Variants in SH2D4A observed in about 807,000 individuals in gnomAD.
The protein encoded by SH2D4A is SH2 domain containing 4A.
A neutral mutation model predicts 64.7 loss-of-function variants in SH2D4A; 70 were observed. The ratio of observed to expected loss-of-function variants is 1.08; its 90% CI spans 0.89 to 1.32. The LOEUF (loss-of-function observed/expected upper bound fraction) is 1.32. Ranked by LOEUF, SH2D4A falls within the 40% of genes most tolerant of loss-of-function variation. SH2D4A has a pLI of 0.00. For synonymous variants in SH2D4A, 268 were observed against 200.7 expected, an observed-to-expected ratio of 1.34 and a Z score of -2.83; for missense variants, 706 against 540.1, an observed-to-expected ratio of 1.31 and a Z score of -3.04.
intron 1 of SH2D4A, 24 bp downstream of exon 1, chr8:19,313,847 G>A: frequency 6.8e-7 from 1 of 1,462,694 alleles, no homozygotes; most frequent in Middle Eastern, 1.8e-4. Flanking sequence ...GTGGGGCGAG[G>A]CTTTGGGGAG....
rs1347378141 is a variant in SH2D4A at position 19,369,284 on chromosome 8, G to C, written c.918-4246G>C. ...TATGTTCATCATCATCAGGAATATT[G>C]GCCTCTAGATTTCTTTTTTTGTTGT... On this transcript the variant is annotated intron_variant, in intron 7 of 9. Transcript: ENST00000265807. Among the ~76,000 whole-genome samples the C allele has an allele frequency of 2.0e-5, 3 of 151,946 alleles. No individual in the cohort carries two copies. In the East Asian group the frequency reaches 5.8e-4, roughly 29 times the overall value.
chr8:19,334,700 A>T lies in SH2D4A; in HGVS notation c.356A>T (p.Glu119Val). ...CCTCTCTTCAGAAAAACTCACTCTG[A>T]AGAATTCACCAATAGCTTGAAAACA... ...EAEEPRKTHS[E>V]EFTNSLKTKS... The change falls in exon 4 of 10, where the codon GAA becomes GTA. Residue 119 changes from glutamate to valine, a missense_variant. Coordinates refer to ENST00000265807, the MANE Select transcript of SH2D4A (RefSeq NM_022071.4). 1 of 1,600,650 alleles carries T rather than the reference A, an allele frequency of 6.2e-7. No individual in the cohort carries two copies. The highest frequency in any genetic ancestry group is 8.5e-7 in the Non-Finnish European group (1 of 1,176,226).
intron 4 of SH2D4A, among the ~76,000 whole-genome samples, chr8:19,353,401 C>G (rs1368969617): frequency 7.1e-6 from 1 of 141,580 alleles, no homozygotes; most frequent in Admixed American, 7.2e-5. Context: ...CGGAGTCTTG[C>G]TCTGTCACCT....
Position 19,393,473 on chromosome 8 carries a change from G to A in SH2D4A, c.1204G>A (p.Ala402Thr), listed in dbSNP as rs756706853. The A allele has an allele frequency of 2.0e-5, 33 of 1,614,086 alleles. No homozygotes were observed. The highest frequency in any genetic ancestry group is 8.3e-5 in the Admixed American group (5 of 60,008). Residue 402 changes from alanine to threonine, a missense_variant, in exon 9 of 10, where the codon GCC (alanine) becomes ACC (threonine). Physicochemically the swap from Ala to Thr is moderately conservative, Grantham distance 58. Coordinates refer to ENST00000265807, the MANE Select transcript of SH2D4A (RefSeq NM_022071.4). ...TTTCCTCATCGATGCCTCTGCAGAC[G>A]CCTACAGCTTCCTGGGCGTGGACCA... ...KHFLIDASADAYSFLGVDQLQ... is the reference protein window; with the variant it reads ...KHFLIDASADTYSFLGVDQLQ...
chr8:19,336,953 A>G (rs1166638791), intron 4 of SH2D4A, among the ~76,000 whole-genome samples: 3 of 152,200 alleles, frequency 2.0e-5, no homozygotes, highest in African/African-American at 7.2e-5. Flanking sequence ...AAGTAGGACA[A>G]AAGATTAAAA....
At chr8:19,353,674 G>GTTTGTT (rs2052744069) in intron 4 of SH2D4A, among the ~76,000 whole-genome samples, 3 of 105,208 alleles carry the variant, frequency 2.9e-5, no homozygotes, top group African/African-American at 1.1e-4. Flanking sequence ...GCCTCTAGCT[G>GTTTGTT]TTTTTTTTTT....
intron 7 of SH2D4A, among the ~76,000 whole-genome samples, chr8:19,368,483 T>C (rs1376492544): frequency 2.0e-5 from 3 of 152,132 alleles, no homozygotes; most frequent in African/African-American, 7.2e-5. Context: ...TTCTAATCCA[T>C]GGACATGGGA....
chr8:19,394,444 G>A (rs2053552011), intron 9 of SH2D4A, 106 bp from the exon 10 acceptor site: 2 of 710,090 alleles, frequency 2.8e-6, no homozygotes, highest in Non-Finnish European at 4.5e-6. Flanking sequence ...AACCACAAAA[G>A]CTTTGTGTAA....
At chr8:19,373,470 T>G in intron 7 of SH2D4A, 60 bp from the exon 8 acceptor site, 3 of 1,211,730 alleles carry the variant, frequency 2.5e-6, no homozygotes, top group Non-Finnish European at 1.1e-6. Flanking sequence ...ATATATGACT[T>G]TTGAGGGCAT....
chr8:19,319,941 A>G (rs150531844), intron 2 of SH2D4A, among the ~76,000 whole-genome samples: 1 of 152,302 alleles, frequency 6.6e-6, no homozygotes, highest in African/African-American at 2.4e-5. Context: ...AGCTATGAGG[A>G]AATCTTTTAC....
intron 2 of SH2D4A, among the ~76,000 whole-genome samples, chr8:19,323,153 C>T: frequency 6.6e-6 from 1 of 152,022 alleles, no homozygotes; most frequent in East Asian, 1.9e-4. Context: ...AGGTCTACAG[C>T]CGCACCGTCC....
chr8:19,328,815 T>C (rs183984368), intron 2 of SH2D4A, among the ~76,000 whole-genome samples: 1 of 152,362 alleles, frequency 6.6e-6, no homozygotes, highest in African/African-American at 2.4e-5. Flanking sequence ...AGGACTTTCT[T>C]ACCTCTGTTT....
intron 2 of SH2D4A, among the ~76,000 whole-genome samples, chr8:19,320,416 C>T (rs1412054042): frequency 6.6e-6 from 1 of 151,850 alleles, no homozygotes; most frequent in East Asian, 1.9e-4. Flanking sequence ...CACTTGAGTC[C>T]AGGAGTTCTG....
rs1374513734 is a variant in SH2D4A, at chr8:19,361,190, TG to T, written c.595-12del. 7 of 1,447,584 alleles carry T rather than the reference TG, an allele frequency of 4.8e-6. No individual in the cohort carries two copies. Among genetic ancestry groups the T allele is most frequent in the Non-Finnish European group, 6.6e-6 (7 of 1,056,844 alleles). 89.7% of individuals were successfully genotyped at this position (1,447,584 alleles called of 1,614,324 possible). On this transcript the variant is annotated splice_polypyrimidine_tract_variant and intron_variant, in intron 5 of 9. Coordinates refer to ENST00000265807, the MANE Select transcript of SH2D4A (RefSeq NM_022071.4). Reference sequence around the variant, plus strand: ...GTTTTGTTTTTGTTTTTTTTTGTTTTGTTTTTAAACAGAAGAAAGAATCTAT... The same window carrying T: ...GTTTTGTTTTTGTTTTTTTTTGTTTTTTTTTAAACAGAAGAAAGAATCTAT...
chr8:19,342,972 T>C (rs1390680764), intron 4 of SH2D4A, among the ~76,000 whole-genome samples: 1 of 152,130 alleles, frequency 6.6e-6, no homozygotes, highest in African/African-American at 2.4e-5. Flanking sequence ...AGCTCACAGC[T>C]CTAGCACGCT....
In SH2D4A at chr8:19,324,185, G is replaced by T. The variant is rs147904537; in HGVS notation, c.181+4457G>T. 5.3e-3 allele frequency among the ~76,000 whole-genome samples: 805 copies of T among 152,274 alleles called. 6 individuals carry two copies. The highest frequency in any genetic ancestry group is 0.018 in the African/African-American group (745 of 41,566). On this transcript the variant is annotated intron_variant, in intron 2 of 9. Coordinates refer to ENST00000265807, the MANE Select transcript of SH2D4A (RefSeq NM_022071.4). ...ATTTTATTGGGTAACGCAAACAGAA[G>T]ACGCCTTCGCTTAGCAGCGTGTTTC...
intron 5 of SH2D4A, among the ~76,000 whole-genome samples, chr8:19,359,118 G>T (rs1457269378): frequency 6.6e-6 from 1 of 152,156 alleles, no homozygotes; most frequent in Non-Finnish European, 1.5e-5. Context: ...TCTCAGAGAC[G>T]CAGGACAAGT....
In SH2D4A at chr8:19,373,600, C is replaced by G. The variant is rs1228787449; in HGVS notation, c.988C>G (p.Gln330Glu). Reference sequence around the variant, plus strand: ...CATCATCCGGTGGTTTAAAGAGGAGCAGCTACCACTTCGAGCGGGCTACCA... The same window carrying G: ...CATCATCCGGTGGTTTAAAGAGGAGGAGCTACCACTTCGAGCGGGCTACCA... ...EDIIRWFKEE[Q>E]LPLRAGYQKT... The change falls in exon 8 of 10, where the codon CAG becomes GAG. Residue 330 changes from glutamine (Q) to glutamate (E), a missense_variant. Coordinates refer to ENST00000265807, the MANE Select transcript of SH2D4A (RefSeq NM_022071.4). The G allele has an allele frequency of 6.2e-7, 1 of 1,613,334 alleles. No individual in the cohort carries two copies. Among genetic ancestry groups the G allele is most frequent in the Non-Finnish European group, 8.5e-7 (1 of 1,179,636 alleles).
intron 8 of SH2D4A, among the ~76,000 whole-genome samples, chr8:19,376,778 G>A (rs2053202911): frequency 6.6e-6 from 1 of 152,066 alleles, no homozygotes; most frequent in Admixed American, 6.5e-5. Flanking sequence ...AGACTGTGCT[G>A]GTCTGCTTGC....
Sources: allele counts gnomAD v4.1 joint callset (sites outside exome capture counted in the v4.1 genomes callset), GRCh38; gene constraint gnomAD v4.1.1; transcripts MANE v1.5; gene names NCBI Gene and HGNC (gene_info 2026-07-23, HGNC 2026-07-21).